Variants in ZFHX3 observed in about 807,000 individuals in gnomAD.
ZFHX3 encodes zinc finger homeobox 3.
ZFHX3 carries 42 observed loss-of-function variants against 279.1 expected under a neutral mutation model. The ratio of observed to expected loss-of-function variants is 0.15; its 90% CI spans 0.12 to 0.19. The LOEUF (loss-of-function observed/expected upper bound fraction) is 0.19, where lower values mean the gene tolerates loss of function less well. ZFHX3 is among the 10% of genes least tolerant of loss of function. The pLI, the probability that ZFHX3 is intolerant of heterozygous loss-of-function variation, is 1.00. For missense variants in ZFHX3, 4,981 were observed against 4,754.0 expected (o/e 1.05, Z -1.40); for synonymous variants, 2,293 against 1,957.8 (o/e 1.17, Z -4.52).
intron 3 of ZFHX3, among the ~76,000 whole-genome samples, chr16:73,370,369 A>T (rs1338705444): frequency 6.6e-6 from 1 of 152,162 alleles, no homozygotes; most frequent in Non-Finnish European, 1.5e-5. Flanking sequence ...GTTCTCCCTG[A>T]ACAAAAGTAT....
intron 4 of ZFHX3, among the ~76,000 whole-genome samples, chr16:72,845,011 T>C (rs540675614): frequency 1.3e-5 from 2 of 152,032 alleles, no homozygotes; most frequent in East Asian, 3.9e-4. Flanking sequence ...GGAAATGGAA[T>C]GAATGAGAGA....
intron 2 of ZFHX3, among the ~76,000 whole-genome samples, chr16:73,536,004 G>C (rs1476608945): frequency 6.6e-6 from 1 of 152,042 alleles, no homozygotes; most frequent in Non-Finnish European, 1.5e-5. Context: ...TTACAGGTGT[G>C]AGCCACCGCT....
chr16:73,693,023 A>C (rs2053163842), intron 1 of ZFHX3, among the ~76,000 whole-genome samples: 1 of 152,226 alleles, frequency 6.6e-6, no homozygotes, highest in African/African-American at 2.4e-5. Flanking sequence ...TTGTTCAACA[A>C]GAAATTACGA....
At chr16:73,258,093 A>T (rs1419168215) in intron 4 of ZFHX3, among the ~76,000 whole-genome samples, 1 of 152,150 alleles carries the variant, frequency 6.6e-6, no homozygotes, top group African/African-American at 2.4e-5. Context: ...AGTAGTAACT[A>T]CTATTTTTTA....
chr16:73,541,222 A>G (rs1002649640), intron 2 of ZFHX3, among the ~76,000 whole-genome samples: 2 of 152,262 alleles, frequency 1.3e-5, no homozygotes, highest in African/African-American at 4.8e-5. Flanking sequence ...TATTAAACAC[A>G]TGCTATCATC....
chr16:73,334,907 G>A (rs1339965746), intron 3 of ZFHX3, among the ~76,000 whole-genome samples: 1 of 111,408 alleles, frequency 9.0e-6, no homozygotes, highest in Non-Finnish European at 1.8e-5. Context: ...TTGATGGCTT[G>A]TTTTGTTCTT....
At chr16:73,623,962 T>C (rs1167941899) in intron 2 of ZFHX3, among the ~76,000 whole-genome samples, 1 of 152,218 alleles carries the variant, frequency 6.6e-6, no homozygotes, top group Non-Finnish European at 1.5e-5. Flanking sequence ...CTTGGGCTCA[T>C]TTGAAACATT....
intron 1 of ZFHX3, among the ~76,000 whole-genome samples, chr16:73,871,551 GAC>G (rs2029862409): frequency 3.3e-5 from 5 of 151,800 alleles, no homozygotes; most frequent in African/African-American, 1.2e-4. Context: ...ATAGCCACAG[GAC>G]CACAGCCCCT....
rs544430974 is a variant in ZFHX3, at chr16:73,000,766, G to A, written c.-49-40572C>T. Among the ~76,000 whole-genome samples the A allele has an allele frequency of 5.3e-5, 8 of 152,292 alleles. No homozygotes were observed. The South Asian group carries it at 1.5e-3, about 28-fold the overall frequency. On this transcript the variant is annotated intron_variant, in intron 1 of 9. Coordinates refer to ENST00000268489, the MANE Select transcript of ZFHX3 (RefSeq NM_006885.4). ...AACTGGAAAAGGACAGCGGATGGGC[G>A]TCAGATCATGTGACAAGACCTTCCT...
intron 2 of ZFHX3, chr16:73,499,851 A>T (rs2019204773): frequency 6.6e-6 from 1 of 152,336 alleles, no homozygotes; most frequent in Admixed American, 6.5e-5. Flanking sequence ...ATGGCGCTGA[A>T]AATTTCCTAT....
At chr16:73,191,332 G>A (rs1407986776) in intron 5 of ZFHX3, among the ~76,000 whole-genome samples, 1 of 152,150 alleles carries the variant, frequency 6.6e-6, no homozygotes, top group Non-Finnish European at 1.5e-5. Context: ...TCTGTTCGCT[G>A]GGCAAGGAGG....
chr16:73,659,312 C>A (rs1239648606), intron 2 of ZFHX3, among the ~76,000 whole-genome samples: 7 of 152,130 alleles, frequency 4.6e-5, no homozygotes, highest in African/African-American at 1.7e-4. Context: ...CTGGAGGACT[C>A]AGGGAAGAGA....
chr16:73,494,399 G>A (rs981853697), intron 2 of ZFHX3, among the ~76,000 whole-genome samples: 14 of 152,226 alleles, frequency 9.2e-5, no homozygotes, highest in African/African-American at 3.1e-4. Flanking sequence ...ACACTCAGGC[G>A]AGGTCTATTT....
chr16:73,874,668 T>C (rs1193549947), intron 1 of ZFHX3, among the ~76,000 whole-genome samples: 6 of 152,232 alleles, frequency 3.9e-5, no homozygotes, highest in Non-Finnish European at 7.4e-5. Flanking sequence ...CTTTGTATAT[T>C]TGACTTACCT....
At chr16:73,846,767 T>C (rs1414273540) in intron 1 of ZFHX3, among the ~76,000 whole-genome samples, 21 of 152,124 alleles carry the variant, frequency 1.4e-4, no homozygotes, top group Admixed American at 1.4e-3. Context: ...GGTCCTGGTA[T>C]AGGACACTTT....
intron 3 of ZFHX3, among the ~76,000 whole-genome samples, chr16:72,920,137 A>G (rs958670721): frequency 1.3e-5 from 2 of 151,980 alleles, no homozygotes; most frequent in African/African-American, 4.8e-5. Context: ...CCACAAGAAC[A>G]TGCTGTAATT....
chr16:73,008,770 G>C (rs1963805378), intron 1 of ZFHX3, among the ~76,000 whole-genome samples: 1 of 152,124 alleles, frequency 6.6e-6, no homozygotes, highest in Non-Finnish European at 1.5e-5. Context: ...GAAATTTAGA[G>C]ATGGCTTCAA....
At chr16:73,787,360 T>G (rs1959678979) in intron 1 of ZFHX3, among the ~76,000 whole-genome samples, 1 of 152,198 alleles carries the variant, frequency 6.6e-6, no homozygotes, top group African/African-American at 2.4e-5. Flanking sequence ...GGAATCTGTA[T>G]GGTGGGTGCA....
In ZFHX3 at chr16:73,145,517, A is replaced by T. The variant is rs140018134; in HGVS notation, c.-1103-1686T>A. 6.5e-3 allele frequency among the ~76,000 whole-genome samples: 990 copies of T among 152,348 alleles called. 10 individuals are homozygous for T. The highest frequency in any genetic ancestry group is 0.04 in the South Asian group (193 of 4,830). On this transcript the variant is annotated intron_variant, in intron 5 of 17. Coordinates refer to the ZFHX3 transcript ENST00000641206. Reference sequence around the variant, plus strand: ...TCAGAGGTGATGGAAGTGGCTGATCACAGCTAAAGACTGTTTGATTGTTGA... The same window carrying T: ...TCAGAGGTGATGGAAGTGGCTGATCTCAGCTAAAGACTGTTTGATTGTTGA...
Sources: allele counts gnomAD v4.1 joint callset (sites outside exome capture counted in the v4.1 genomes callset), GRCh38; gene constraint gnomAD v4.1.1; transcripts MANE v1.5; gene names NCBI Gene and HGNC (gene_info 2026-07-23, HGNC 2026-07-21).